Variants in TRPV1 observed in about 807,000 individuals in gnomAD.
TRPV1 encodes the protein transient receptor potential cation channel subfamily V member 1, also known as OTRPC1.
TRPV1 carries 82 observed loss-of-function variants against 82.3 expected under a neutral mutation model. The observed-to-expected ratio is 1.00, with a 90% CI of 0.83 to 1.20. The LOEUF is 1.20. Among genes scored for constraint, TRPV1 ranks in the 50% most tolerant of loss-of-function variants. TRPV1 has a pLI of 0.00. For missense variants in TRPV1, 1,067 were observed against 1,096.8 expected, an observed-to-expected ratio of 0.97 and a Z score of 0.38; for synonymous variants, 515 against 467.7, an observed-to-expected ratio of 1.10 and a Z score of -1.30.
At chr17:3,596,207 C>T (rs1391997475) in intron 2 of TRPV1, among the ~76,000 whole-genome samples, 1 of 152,156 alleles carries the variant, frequency 6.6e-6, no homozygotes, top group Non-Finnish European at 1.5e-5. Flanking sequence ...ACAGATACTG[C>T]CTACCCTCTG....
At chr17:3,590,929 G>A in intron 5 of TRPV1, 35 bp downstream of exon 5, 1 of 1,548,240 alleles carries the variant, frequency 6.5e-7, no homozygotes, top group Non-Finnish European at 8.7e-7. Flanking sequence ...CGGTGCTGCG[G>A]GCTGAGCCAT....
chr17:3,597,367 G>T (rs1024613678), intron 2 of TRPV1, among the ~76,000 whole-genome samples: 1 of 152,188 alleles, frequency 6.6e-6, no homozygotes, highest in African/African-American at 2.4e-5. Flanking sequence ...CTCCACAAAT[G>T]ACATTCACAA....
At chr17:3,585,968 G>C (rs761926325) in intron 8 of TRPV1, 42 bp from the exon 9 acceptor site, 7 of 1,610,714 alleles carry the variant, frequency 4.3e-6, no homozygotes, top group East Asian at 2.2e-5. Flanking sequence ...CCTGCAGCAG[G>C]AACTCCTCGC....
At chr17:3,570,527 A>C (rs1384721612) in intron 16 of TRPV1, among the ~76,000 whole-genome samples, 1 of 152,232 alleles carries the variant, frequency 6.6e-6, no homozygotes, top group African/African-American at 2.4e-5. Context: ...AATTAAATAC[A>C]AAGTAATTCA....
intron 9 of TRPV1, chr17:3,585,515 G>A: frequency 2.2e-6 from 1 of 455,260 alleles, no homozygotes; most frequent in Non-Finnish European, 4.0e-6. Flanking sequence ...CACACACTCA[G>A]CCCCACAGGA....
At chr17:3,583,500 A>ATGTT in intron 9 of TRPV1, 70 bp from the exon 10 acceptor site, 6 of 1,272,566 alleles carry the variant, frequency 4.7e-6, no homozygotes, top group Non-Finnish European at 6.7e-6. Context: ...GACCAGGTCC[A>ATGTT]TGAAGCCATA....
intron 10 of TRPV1, among the ~76,000 whole-genome samples, chr17:3,582,884 T>C (rs1347887730): frequency 6.7e-6 from 1 of 149,946 alleles, no homozygotes; most frequent in African/African-American, 2.4e-5. Flanking sequence ...GAGGCGGAGG[T>C]TGCAGTGAGC....
chr17:3,570,014 G>GAA, intron 16 of TRPV1, among the ~76,000 whole-genome samples: 1 of 149,906 alleles, frequency 6.7e-6, no homozygotes, highest in African/African-American at 2.4e-5. Context: ...AAGCGGTCAG[G>GAA]GAGGAGGGGC....
chr17:3,603,138 A>ATTAAAG (rs994944130), intron 2 of TRPV1, among the ~76,000 whole-genome samples: 3 of 123,290 alleles, frequency 2.4e-5, no homozygotes, highest in Non-Finnish European at 5.6e-5. Flanking sequence ...TAAAATTAAA[A>ATTAAAG]TTAAAAAAAA....
intron 16 of TRPV1, among the ~76,000 whole-genome samples, chr17:3,571,013 G>A (rs1033486326): frequency 2.0e-4 from 30 of 152,278 alleles, no homozygotes; most frequent in Admixed American, 7.2e-4. Flanking sequence ...CACTGTGCCC[G>A]GCCTCCTTGG....
chr17:3,583,012 T>C (rs1423286446), intron 10 of TRPV1, among the ~76,000 whole-genome samples: 4 of 151,726 alleles, frequency 2.6e-5, no homozygotes. Flanking sequence ...CTTTAACAGA[T>C]TGGTTTAATT....
chr17:3,585,493 G>A (rs1403284033), intron 9 of TRPV1: 2 of 393,472 alleles, frequency 5.1e-6, no homozygotes, highest in Non-Finnish European at 9.4e-6. Flanking sequence ...TACAATCAGG[G>A]ACCTGAGTCA....
At chr17:3,577,254 C>T in intron 12 of TRPV1, 62 bp from the exon 13 acceptor site, 1 of 1,534,384 alleles carries the variant, frequency 6.5e-7, no homozygotes, top group Non-Finnish European at 8.8e-7. Context: ...GAGGGAAGGG[C>T]CGGGCCGCAT....
chr17:3,586,084 C>T (rs2075082098), intron 8 of TRPV1, among the ~76,000 whole-genome samples, 158 bp from the exon 9 acceptor site: 2 of 152,252 alleles, frequency 1.3e-5, no homozygotes, highest in African/African-American at 4.8e-5. Context: ...CAGCCATAGC[C>T]TGGGGCTGGT....
Position 3,588,077 on chromosome 17 carries a change from C to T in TRPV1, c.1224+111G>A, listed in dbSNP as rs1164418047. On this transcript the variant is annotated intron_variant, in intron 8 of 16. Coordinates refer to ENST00000572705, the MANE Select transcript of TRPV1 (RefSeq NM_080704.4). ...TGAGGCTGCAGGGCCTGGGCCCGGG[C>T]GCAGCAGGCTTTCCCTCCTGAGAAG... is the stretch of plus-strand genomic sequence containing the variant. The T allele has an allele frequency of 4.1e-5, 54 of 1,304,084 alleles. No individual in the cohort carries two copies. The East Asian group carries it at 5.4e-4, about 13-fold the overall frequency. 80.8% of individuals were successfully genotyped at this position (1,304,084 alleles called of 1,614,324 possible). A position where few individuals can be genotyped will look rare whatever the true frequency, so the allele number is the denominator to read the frequency against.
intron 13 of TRPV1, among the ~76,000 whole-genome samples, chr17:3,576,384 G>C (rs1160831786): frequency 6.6e-6 from 1 of 151,950 alleles, no homozygotes; most frequent in Non-Finnish European, 1.5e-5. Context: ...CAGGTGCAGT[G>C]GCTCATGCCT....
intron 16 of TRPV1, among the ~76,000 whole-genome samples, chr17:3,567,965 CAAGTG>C (rs1198888377): frequency 2.6e-5 from 4 of 152,044 alleles, no homozygotes; most frequent in Non-Finnish European, 5.9e-5. Flanking sequence ...AATCAACTGC[CAAGTG>C]AAATAGCAAA....
chr17:3,588,812 C>CT (rs1040131292), intron 7 of TRPV1: 7 of 673,468 alleles, frequency 1.0e-5, no homozygotes, highest in Middle Eastern at 5.7e-4. Context: ...GAAACCTCAT[C>CT]TAAAAAAAAA....
At chr17:3,570,294 C>T (rs914608935) in intron 16 of TRPV1, among the ~76,000 whole-genome samples, 1 of 151,414 alleles carries the variant, frequency 6.6e-6, no homozygotes, top group African/African-American at 2.4e-5. Context: ...CGCTTGAACC[C>T]GGGAGGCGGA....
Sources: allele counts gnomAD v4.1 joint callset (sites outside exome capture counted in the v4.1 genomes callset), GRCh38; gene constraint gnomAD v4.1.1; transcripts MANE v1.5; gene names NCBI Gene and HGNC (gene_info 2026-07-23, HGNC 2026-07-21).